STPG2: variants seen among roughly 807,000 people sequenced by gnomAD.
STPG2 encodes the protein sperm tail PG-rich repeat containing 2.
A neutral mutation model predicts 54.2 loss-of-function variants in STPG2; 56 were observed. The observed-to-expected ratio is 1.03, with a 90% CI of 0.83 to 1.29. The LOEUF is 1.29. STPG2 is among the 50% of genes most tolerant of loss of function. The probability of loss-of-function intolerance (pLI) is 0.00; values close to 1 mark genes in which losing one functional copy is unlikely to be tolerated. For synonymous variants in STPG2, 200 were observed against 181.8 expected, an observed-to-expected ratio of 1.10 and a Z score of -0.81; for missense variants, 596 against 544.9, an observed-to-expected ratio of 1.09 and a Z score of -0.93.
intron 9 of STPG2, among the ~76,000 whole-genome samples, chr4:97,780,228 G>A (rs1726555025): frequency 1.3e-5 from 1 of 79,642 alleles, no homozygotes; most frequent in South Asian, 4.9e-4. Flanking sequence ...ATAAAGGGAT[G>A]GAGGAAGATC....
intron 8 of STPG2, among the ~76,000 whole-genome samples, chr4:97,900,628 T>A (rs545587889): frequency 6.6e-6 from 1 of 152,078 alleles, no homozygotes; most frequent in Admixed American, 6.6e-5. Flanking sequence ...TGCAGAAACA[T>A]GGATAGATCT....
chr4:97,446,499 C>T (rs2148794479), intron 4 of STPG2, among the ~76,000 whole-genome samples: 1 of 152,276 alleles, frequency 6.6e-6, no homozygotes, highest in Non-Finnish European at 1.5e-5. Context: ...AACCATATAA[C>T]TTAGGGAGGA....
chr4:97,680,211 C>A (rs1193160351), intron 10 of STPG2, among the ~76,000 whole-genome samples: 1 of 151,570 alleles, frequency 6.6e-6, no homozygotes, highest in Non-Finnish European at 1.5e-5. Context: ...TGTAAATTAC[C>A]TTGGGCAGTA....
chr4:98,101,543 G>T (rs886979958), intron 5 of STPG2, among the ~76,000 whole-genome samples: 8 of 152,106 alleles, frequency 5.3e-5, no homozygotes, highest in Non-Finnish European at 8.8e-5. Context: ...TCATTTTCTA[G>T]GTAGCAGCCA....
At chr4:98,041,777 T>A (rs895532313) in intron 5 of STPG2, among the ~76,000 whole-genome samples, 14 of 151,958 alleles carry the variant, frequency 9.2e-5, no homozygotes, top group Non-Finnish European at 1.6e-4. Flanking sequence ...TCATCAGAGA[T>A]ATTGTTCTGT....
chr4:97,552,116 C>G (rs1731979415), intron 4 of STPG2, among the ~76,000 whole-genome samples: 1 of 152,026 alleles, frequency 6.6e-6, no homozygotes, highest in Non-Finnish European at 1.5e-5. Context: ...AGAAAAAAAA[C>G]ATATTGTATA....
At chr4:97,578,422 T>C (rs1027971316) in intron 10 of STPG2, among the ~76,000 whole-genome samples, 7 of 152,046 alleles carry the variant, frequency 4.6e-5, no homozygotes, top group Admixed American at 1.3e-4. Context: ...AGCCTGAGGA[T>C]CCAATACTTC....
intron 8 of STPG2, among the ~76,000 whole-genome samples, chr4:97,896,120 T>A (rs976415182): frequency 6.6e-6 from 1 of 151,766 alleles, no homozygotes; most frequent in Non-Finnish European, 1.5e-5. Context: ...CTTATATCCA[T>A]ATGTTACACA....
At position 97,857,368 on chromosome 4, in the gene STPG2, T is replaced by C. The variant is rs139963044; in HGVS notation, c.1045-16436A>G. 4.8e-4 allele frequency among the ~76,000 whole-genome samples: 73 copies of C among 152,320 alleles called. 1 individual carries two copies. Among genetic ancestry groups the C allele is most frequent in the Admixed American group, 2.0e-3 (31 of 15,298 alleles). ...TATTGGTCTATTCAGGGATTCCATT[T>C]CTTCCTGTTTCAGTCTTGGGAGGGT... On this transcript the variant is annotated intron_variant, in intron 8 of 10. Coordinates refer to ENST00000295268, the MANE Select transcript of STPG2 (RefSeq NM_174952.3).
At chr4:97,598,716 C>T (rs1003548627) in intron 10 of STPG2, among the ~76,000 whole-genome samples, 4 of 152,102 alleles carry the variant, frequency 2.6e-5, no homozygotes, top group African/African-American at 4.8e-5. Context: ...ACTGACTAGC[C>T]ATATACAGAA....
intron 9 of STPG2, among the ~76,000 whole-genome samples, chr4:97,747,533 T>C (rs956577706): frequency 1.3e-5 from 2 of 151,416 alleles, no homozygotes; most frequent in Non-Finnish European, 3.0e-5. Context: ...TTTAAGGACC[T>C]TTCTTTGCCA....
intron 5 of STPG2, among the ~76,000 whole-genome samples, chr4:98,021,162 A>G (rs527250545): frequency 6.8e-6 from 1 of 146,310 alleles, no homozygotes; most frequent in East Asian, 2.0e-4. Flanking sequence ...ATTTAGTGCT[A>G]TAAATTTCCC....
At chr4:97,754,602 C>G (rs114255335) in intron 9 of STPG2, among the ~76,000 whole-genome samples, 1 of 152,228 alleles carries the variant, frequency 6.6e-6, no homozygotes, top group African/African-American at 2.4e-5. Context: ...CTAACTCCCA[C>G]TTCTATGAAC....
At chr4:97,778,239 G>A (rs893866875) in intron 9 of STPG2, among the ~76,000 whole-genome samples, 3 of 152,158 alleles carry the variant, frequency 2.0e-5, no homozygotes, top group Non-Finnish European at 4.4e-5. Flanking sequence ...TCCAATGGTC[G>A]TAGCAAAGGG....
intron 10 of STPG2, among the ~76,000 whole-genome samples, chr4:97,562,907 T>G: frequency 6.6e-6 from 1 of 152,202 alleles, no homozygotes; most frequent in East Asian, 1.9e-4. Context: ...TATTCTCTTT[T>G]TTGGTTGTGT....
At chr4:97,838,863 T>G (rs1197707803) in intron 9 of STPG2, among the ~76,000 whole-genome samples, 1 of 151,610 alleles carries the variant, frequency 6.6e-6, no homozygotes, top group Non-Finnish European at 1.5e-5. Flanking sequence ...ATATGGCTTT[T>G]TCCAATGTGT....
intron 5 of STPG2, among the ~76,000 whole-genome samples, chr4:98,051,227 AGAT>A: frequency 6.6e-6 from 1 of 152,196 alleles, no homozygotes; most frequent in Non-Finnish European, 1.5e-5. Flanking sequence ...TCAAAGTTAA[AGAT>A]GATCCTAACA....
intron 8 of STPG2, among the ~76,000 whole-genome samples, chr4:97,842,881 C>T (rs538501378): frequency 2.0e-5 from 3 of 151,936 alleles, no homozygotes; most frequent in East Asian, 1.9e-4. Flanking sequence ...GATGTTCCCT[C>T]CTCTTCCTAC....
intron 9 of STPG2, among the ~76,000 whole-genome samples, chr4:97,806,331 A>G (rs1214621498): frequency 6.6e-6 from 1 of 152,118 alleles, no homozygotes; most frequent in Non-Finnish European, 1.5e-5. Flanking sequence ...ATACATGGAC[A>G]TCGAGATGGG....
Sources: gnomAD v4.1 joint callset for allele counts (sites outside exome capture counted in the v4.1 genomes callset) on GRCh38, gnomAD v4.1.1 for gene constraint, MANE v1.5 for transcripts, NCBI Gene and HGNC (gene_info 2026-07-23, HGNC 2026-07-21) for gene names.